The following NCKAP5 variants were observed in gnomAD, a reference collection of about 807,000 sequenced individuals.
NCKAP5 encodes the protein nck-associated protein 5.
Under a neutral mutation model 167.0 loss-of-function variants are expected in NCKAP5, and 92 were observed. The observed-to-expected ratio is 0.55, with a 90% CI of 0.47 to 0.66. NCKAP5 has a LOEUF of 0.66. Ranked by LOEUF, NCKAP5 falls within the 30% of genes least tolerant of loss-of-function variation. The pLI, the probability that NCKAP5 is intolerant of heterozygous loss-of-function variation, is 0.00. For synonymous variants in NCKAP5, 891 were observed against 877.4 expected (o/e 1.02, Z -0.27); for missense variants, 2,378 against 2,315.0 (o/e 1.03, Z -0.56).
At chr2:132,774,870 A>G (rs147007181) in intron 15 of NCKAP5, among the ~76,000 whole-genome samples, 5 of 152,340 alleles carry the variant, frequency 3.3e-5, no homozygotes, top group East Asian at 3.9e-4. Flanking sequence ...TCCCAAAGCA[A>G]TAGAGAAGGT....
At chr2:132,999,901 A>C (rs1353967723) in intron 6 of NCKAP5, among the ~76,000 whole-genome samples, 1 of 152,202 alleles carries the variant, frequency 6.6e-6, no homozygotes, top group Non-Finnish European at 1.5e-5. Context: ...AGAAAACAAG[A>C]AGCCACTCAA....
chr2:133,062,836 A>G, intron 6 of NCKAP5, among the ~76,000 whole-genome samples: 1 of 152,202 alleles, frequency 6.6e-6, no homozygotes, highest in East Asian at 1.9e-4. Flanking sequence ...TTACATAGAA[A>G]TCTTTATAAA....
the NCKAP5 span, among the ~76,000 whole-genome samples, chr2:133,586,539 T>C: frequency 6.6e-6 from 1 of 152,166 alleles, no homozygotes; most frequent in Non-Finnish European, 1.5e-5. Context: ...TCAAGGACAG[T>C]GCTACCAATG....
intron 6 of NCKAP5, among the ~76,000 whole-genome samples, chr2:133,126,337 T>A (rs1357601122): frequency 6.6e-6 from 1 of 152,212 alleles, no homozygotes; most frequent in African/African-American, 2.4e-5. Flanking sequence ...GGCGTCAGCA[T>A]CTTATGCCTC....
intron 3 of NCKAP5, among the ~76,000 whole-genome samples, chr2:133,461,152 G>T (rs1305855500): frequency 1.3e-5 from 2 of 152,100 alleles, no homozygotes; most frequent in Non-Finnish European, 2.9e-5. Context: ...ATGACAGCAG[G>T]TCTCAGGCAA....
At chr2:132,948,285 G>T (rs559282021) in intron 8 of NCKAP5, among the ~76,000 whole-genome samples, 6 of 152,118 alleles carry the variant, frequency 3.9e-5, no homozygotes, top group Admixed American at 3.9e-4. Context: ...GGGAAGCTTG[G>T]CTATATGTGG....
intron 6 of NCKAP5, among the ~76,000 whole-genome samples, chr2:133,126,413 G>A (rs2082406156): frequency 6.6e-6 from 1 of 152,202 alleles, no homozygotes; most frequent in African/African-American, 2.4e-5. Context: ...TGAATCTGAA[G>A]TAGAATGGTT....
chr2:133,115,504 TTTTAAAATTAGATG>T (rs1365757806), intron 6 of NCKAP5, among the ~76,000 whole-genome samples: 98 of 152,198 alleles, frequency 6.4e-4, no homozygotes, highest in Middle Eastern at 6.8e-3. Context: ...TCTGGGGGAA[TTTTAAAATTAGATG>T]TTATGTTACA....
intron 3 of NCKAP5, among the ~76,000 whole-genome samples, chr2:133,507,938 A>C (rs1028484854): frequency 6.6e-6 from 1 of 152,222 alleles, no homozygotes; most frequent in Non-Finnish European, 1.5e-5. Context: ...TTAGTGTAAG[A>C]TACCTAGGCT....
At chr2:133,204,199 T>C (rs2085839567) in intron 5 of NCKAP5, among the ~76,000 whole-genome samples, 1 of 152,220 alleles carries the variant, frequency 6.6e-6, no homozygotes, top group Admixed American at 6.6e-5. Context: ...TATGGTTTTA[T>C]TTTTAATTTC....
At chr2:133,454,173 T>C (rs1691711603) in intron 3 of NCKAP5, among the ~76,000 whole-genome samples, 1 of 152,038 alleles carries the variant, frequency 6.6e-6, no homozygotes, top group Admixed American at 6.6e-5. Context: ...CTTTTAAACA[T>C]AGAACTTGGC....
At chr2:133,396,097 A>G (rs952626602) in intron 3 of NCKAP5, among the ~76,000 whole-genome samples, 8 of 152,112 alleles carry the variant, frequency 5.3e-5, no homozygotes, top group African/African-American at 9.7e-5. Flanking sequence ...ATGGATATGG[A>G]TAGCAAAGTT....
At chr2:133,062,577 T>G (rs2149520901) in intron 6 of NCKAP5, among the ~76,000 whole-genome samples, 1 of 152,340 alleles carries the variant, frequency 6.6e-6, no homozygotes, top group East Asian at 1.9e-4. Context: ...AAGAAAATCC[T>G]GGAGGTAAAA....
chr2:133,353,740 G>A (rs566095729), intron 3 of NCKAP5, among the ~76,000 whole-genome samples: 6 of 152,294 alleles, frequency 3.9e-5, no homozygotes, highest in South Asian at 2.1e-4. Context: ...TCTCAACAAT[G>A]AGAGGCTCAG....
intron 16 of NCKAP5, among the ~76,000 whole-genome samples, chr2:132,764,059 TA>T (rs1681243931): frequency 6.6e-6 from 1 of 152,154 alleles, no homozygotes; most frequent in African/African-American, 2.4e-5. Flanking sequence ...ATTCTCTCTC[TA>T]GTGAAAAAAC....
At chr2:133,631,671 T>C in the NCKAP5 span, among the ~76,000 whole-genome samples, 3 of 152,176 alleles carry the variant, frequency 2.0e-5, no homozygotes. Context: ...AACTTAGACT[T>C]TGGAAAATGT....
At chr2:132,769,528 T>A (rs988334208) in intron 16 of NCKAP5, among the ~76,000 whole-genome samples, 3 of 152,182 alleles carry the variant, frequency 2.0e-5, no homozygotes, top group African/African-American at 7.2e-5. Flanking sequence ...AAAATATATA[T>A]ATTCTCAGCC....
At chr2:133,361,581 A>G (rs928023721) in intron 3 of NCKAP5, among the ~76,000 whole-genome samples, 3 of 152,230 alleles carry the variant, frequency 2.0e-5, no homozygotes, top group Non-Finnish European at 4.4e-5. Flanking sequence ...GCTCTTGTTA[A>G]AAGTGAAGAA....
In NCKAP5 at chr2:133,147,889, T is replaced by C. The variant is rs115102733; in HGVS notation, c.208-17778A>G. On this transcript the variant is annotated intron_variant, in intron 5 of 19. Transcript: ENST00000409261. Reference sequence around the variant, plus strand: ...TTCTGGCATTATTTATTTTATGTTATAAAACATACCTTCTCTCTTGGAAGC... The same window carrying C: ...TTCTGGCATTATTTATTTTATGTTACAAAACATACCTTCTCTCTTGGAAGC... Among the ~76,000 whole-genome samples the C allele has an allele frequency of 6.4e-3, 968 of 152,230 alleles. 16 individuals carry two copies. Among genetic ancestry groups the C allele is most frequent in the African/African-American group, 0.022 (919 of 41,548 alleles).
Sources: gnomAD v4.1 joint callset for allele counts (sites outside exome capture counted in the v4.1 genomes callset) on GRCh38, gnomAD v4.1.1 for gene constraint, MANE v1.5 for transcripts, NCBI Gene and HGNC (gene_info 2026-07-23, HGNC 2026-07-21) for gene names.